DGKD: variants seen among roughly 807,000 people sequenced by gnomAD.
DGKD encodes diacylglycerol kinase delta.
In DGKD, 68 loss-of-function variants were observed where a neutral mutation model predicts 154.4. The observed-to-expected ratio is 0.44, with a 90% CI of 0.36 to 0.54. The LOEUF (loss-of-function observed/expected upper bound fraction) is 0.54. Among genes scored for constraint, DGKD ranks in the 20% least tolerant of loss-of-function variants. The pLI is 0.00. For synonymous variants in DGKD, 693 were observed against 638.0 expected (o/e 1.09, Z -1.30); for missense variants, 1,343 against 1,593.6 (o/e 0.84, Z 2.68).
At chr2:233,383,621 G>A (rs557186120) in intron 1 of DGKD, among the ~76,000 whole-genome samples, 49 of 152,196 alleles carry the variant, frequency 3.2e-4, no homozygotes, top group Middle Eastern at 3.4e-3. Flanking sequence ...TTGCTGTAGC[G>A]CACCCAGAGT....
In DGKD at chr2:233,437,362, G is replaced by T. The variant is rs372440528; in HGVS notation, c.820-15G>T. 18 of 1,612,480 alleles carry T rather than the reference G, an allele frequency of 1.1e-5. No individual in the cohort carries two copies. Among genetic ancestry groups the T allele is most frequent in the Non-Finnish European group, 1.4e-5 (16 of 1,178,728 alleles). On this transcript the variant is annotated splice_polypyrimidine_tract_variant and intron_variant, in intron 7 of 29. Transcript: ENST00000264057. ...ATGCCAGTGACCCTTGGTGACGCGGGGACTCTTGTTTCAGGTTCACACATC... is the reference window on the plus strand; with the variant it reads ...ATGCCAGTGACCCTTGGTGACGCGGTGACTCTTGTTTCAGGTTCACACATC...
intron 11 of DGKD, among the ~76,000 whole-genome samples, chr2:233,446,328 G>A (rs2063069571): frequency 6.6e-6 from 1 of 152,214 alleles, no homozygotes; most frequent in African/African-American, 2.4e-5. Flanking sequence ...GCACAGTTGT[G>A]GTTTTGCAAT....
intron 19 of DGKD, 118 bp from the exon 20 acceptor site, chr2:233,456,781 A>G (rs1575160443): frequency 1.3e-6 from 1 of 746,526 alleles, no homozygotes; most frequent in South Asian, 1.8e-5. Context: ...GCTGTAAATA[A>G]TTGCTAAATG....
At chr2:233,365,329 C>T (rs1345889221) in intron 1 of DGKD, among the ~76,000 whole-genome samples, 1 of 151,934 alleles carries the variant, frequency 6.6e-6, no homozygotes, top group African/African-American at 2.4e-5. Flanking sequence ...CTCCCAGGTT[C>T]AAGTGATTCT....
At chr2:233,444,616 C>T (rs1004278056) in intron 10 of DGKD, among the ~76,000 whole-genome samples, 1 of 148,538 alleles carries the variant, frequency 6.7e-6, no homozygotes, top group Non-Finnish European at 1.5e-5. Context: ...TCCTCAGACC[C>T]TCTGGGCACC....
At chr2:233,384,905 C>T (rs1015601620) in intron 1 of DGKD, among the ~76,000 whole-genome samples, 1 of 152,150 alleles carries the variant, frequency 6.6e-6, no homozygotes, top group Non-Finnish European at 1.5e-5. Flanking sequence ...TACCTGTTGT[C>T]TCAGGCAGCT....
At chr2:233,418,541 ATAAAT>A (rs2062020470) in intron 3 of DGKD, among the ~76,000 whole-genome samples, 2 of 152,258 alleles carry the variant, frequency 1.3e-5, no homozygotes, top group South Asian at 2.1e-4. Flanking sequence ...AAAAAAATAA[ATAAAT>A]TAAAACAACC....
chr2:233,390,361 C>G, intron 2 of DGKD, 42 bp from the exon 3 acceptor site: 4 of 1,536,132 alleles, frequency 2.6e-6, no homozygotes, highest in South Asian at 1.1e-5. Context: ...AGGGATGTAC[C>G]TGTCTTTATG....
At chr2:233,430,726 A>T (rs993369661) in intron 3 of DGKD, among the ~76,000 whole-genome samples, 1 of 152,200 alleles carries the variant, frequency 6.6e-6, no homozygotes, top group African/African-American at 2.4e-5. Context: ...GAAAATTTTG[A>T]TATACACTAT....
Position 233,445,780 on chromosome 2 carries a change from C to A in DGKD, c.1334+18C>A. The A allele has an allele frequency of 1.9e-6, 3 of 1,599,236 alleles. No individual in the cohort carries two copies. The highest frequency in any genetic ancestry group is 1.7e-6 in the Non-Finnish European group (2 of 1,171,648). On this transcript the variant is annotated intron_variant, in intron 11 of 29. Transcript: ENST00000264057. The surrounding 1 kb of genome is among the most constrained non-coding windows in gnomAD (Gnocchi z 5.5). ...CTGGACAGGTGAGTGGGGATGTGCT[C>A]CGGTGCCGTATGAGGAGACTTTGAG...
At chr2:233,465,534 G>A (rs1055545172) in intron 27 of DGKD, among the ~76,000 whole-genome samples, 10 of 152,102 alleles carry the variant, frequency 6.6e-5, no homozygotes, top group African/African-American at 1.7e-4. Flanking sequence ...GGAGGATCAC[G>A]TTAGCCGAGG....
At chr2:233,400,029 A>G (rs1200222786) in intron 3 of DGKD, among the ~76,000 whole-genome samples, 3 of 152,186 alleles carry the variant, frequency 2.0e-5, no homozygotes, top group South Asian at 2.1e-4. Flanking sequence ...CGCTGTACAC[A>G]GTGACATGAT....
intron 3 of DGKD, among the ~76,000 whole-genome samples, chr2:233,396,643 G>T (rs1354587428): frequency 1.3e-5 from 2 of 152,158 alleles, no homozygotes; most frequent in Non-Finnish European, 2.9e-5. Flanking sequence ...AGGAAGTGAG[G>T]TCTCATAGCT....
chr2:233,388,050 G>A lies in DGKD; in HGVS notation c.157-207G>A, dbSNP rs1183470607. On this transcript the variant is annotated intron_variant, in intron 1 of 29. Coordinates refer to ENST00000264057, the MANE Select transcript of DGKD (RefSeq NM_152879.3). The stretch of plus-strand genomic sequence containing the variant: ...ACCCCCACCCACACAGGCACACATT[G>A]CCCCTTAGAGGACAGGATTGGTGCA... 18 of 1,139,194 alleles carry A rather than the reference G, an allele frequency of 1.6e-5. No individual in the cohort carries two copies. The South Asian group carries it at 3.0e-4, about 19-fold the overall frequency. 70.6% of individuals were successfully genotyped at this position (1,139,194 alleles called of 1,614,324 possible).
In DGKD at chr2:233,411,596, T is replaced by A. The variant is rs180909274; in HGVS notation, c.348+21113T>A. 5.9e-5 allele frequency among the ~76,000 whole-genome samples: 9 copies of A among 152,360 alleles called. No individual in the cohort carries two copies. In the East Asian group the frequency reaches 1.5e-3, roughly 26 times the overall value. ...ATGTAAGTCCTTTGTCTGATACATG[T>A]GTTGTGAATGTTTTTCTCAGTCTGT... is the stretch of plus-strand genomic sequence containing the variant. On this transcript the variant is annotated intron_variant, in intron 3 of 29. Transcript: ENST00000264057.
intron 23 of DGKD, 45 bp from the exon 24 acceptor site, chr2:233,460,149 G>T (rs768249040): frequency 6.2e-7 from 1 of 1,602,658 alleles, no homozygotes; most frequent in South Asian, 1.1e-5. Context: ...GCAGTCAGAT[G>T]CATGCTTCAG....
chr2:233,397,541 G>C (rs889497013), intron 3 of DGKD, among the ~76,000 whole-genome samples: 2 of 130,676 alleles, frequency 1.5e-5, no homozygotes, highest in Non-Finnish European at 3.3e-5. Flanking sequence ...TGGCTGGGGG[G>C]GGGGGGCAGA....
chr2:233,390,755 G>A (rs953548213), intron 3 of DGKD, among the ~76,000 whole-genome samples: 8 of 151,958 alleles, frequency 5.3e-5, no homozygotes, highest in African/African-American at 1.7e-4. Context: ...TTTTTGAGAC[G>A]GAGTTTGGCT....
intron 3 of DGKD, among the ~76,000 whole-genome samples, chr2:233,419,698 T>A (rs1245197981): frequency 6.6e-6 from 1 of 152,184 alleles, no homozygotes; most frequent in African/African-American, 2.4e-5. Flanking sequence ...GGTGAATTCC[T>A]ACAGTCTGAG....
Sources: gnomAD v4.1 joint callset for allele counts (sites outside exome capture counted in the v4.1 genomes callset) on GRCh38, gnomAD v4.1.1 for gene constraint, Gnocchi (gnomAD v3.1) non-coding constraint, MANE v1.5 for transcripts, NCBI Gene and HGNC (gene_info 2026-07-23, HGNC 2026-07-21) for gene names.